PATJ: variants seen among roughly 807,000 people sequenced by gnomAD.
PATJ encodes the protein inaD-like protein.
A neutral mutation model predicts 224.9 loss-of-function variants in PATJ; 190 were observed. The observed-to-expected ratio is 0.84, with a 90% confidence interval of 0.75 to 0.95. PATJ has a LOEUF of 0.95. Among genes scored for constraint, PATJ ranks in the 40% least tolerant of loss-of-function variants. The pLI is 0.00. For missense variants in PATJ, 2,121 were observed against 2,270.3 expected (o/e 0.93, Z 1.34); for synonymous variants, 769 against 820.3 (o/e 0.94, Z 1.07).
chr1:61,916,879 G>A (rs1451093317), intron 26 of PATJ, among the ~76,000 whole-genome samples: 2 of 152,190 alleles, frequency 1.3e-5, no homozygotes, highest in Non-Finnish European at 2.9e-5. Flanking sequence ...CTGTCCTCTT[G>A]TGCTGAGTCA....
At chr1:62,049,136 G>C (rs1323178478) in intron 30 of PATJ, among the ~76,000 whole-genome samples, 1 of 151,094 alleles carries the variant, frequency 6.6e-6, no homozygotes, top group African/African-American at 2.4e-5. Flanking sequence ...CTTACTTTAT[G>C]TTTAAATATG....
intron 33 of PATJ, 87 bp downstream of exon 33, chr1:62,084,735 T>C: frequency 7.5e-7 from 1 of 1,330,388 alleles, no homozygotes; most frequent in Non-Finnish European, 1.1e-6. Flanking sequence ...TCTGCAAGAC[T>C]TGCCTTTTTC....
chr1:62,062,867 CTTG>C (rs1655795478), intron 31 of PATJ, among the ~76,000 whole-genome samples: 1 of 151,928 alleles, frequency 6.6e-6, no homozygotes, highest in Non-Finnish European at 1.5e-5. Flanking sequence ...TTGTTTTTGG[CTTG>C]TTGATTTGTT....
intron 38 of PATJ, among the ~76,000 whole-genome samples, chr1:62,122,320 G>A (rs1206575837): frequency 4.1e-5 from 6 of 147,360 alleles, no homozygotes; most frequent in African/African-American, 1.3e-4. Context: ...AGCTAAGATC[G>A]GACCACTGCA....
chr1:61,961,644 G>T (rs1323396191), intron 27 of PATJ, among the ~76,000 whole-genome samples: 1 of 152,166 alleles, frequency 6.6e-6, no homozygotes, highest in Non-Finnish European at 1.5e-5. Flanking sequence ...AGCAAAAGAT[G>T]TGGAAAAATG....
chr1:62,137,932 T>C (rs1330405125), intron 41 of PATJ, among the ~76,000 whole-genome samples: 2 of 152,022 alleles, frequency 1.3e-5, no homozygotes, highest in Non-Finnish European at 2.9e-5. Context: ...TCTCCACCTC[T>C]TCCTTCAGGT....
chr1:61,944,544 C>T (rs879779602), intron 27 of PATJ, among the ~76,000 whole-genome samples: 32 of 152,168 alleles, frequency 2.1e-4, no homozygotes, highest in Non-Finnish European at 3.8e-4. Context: ...TACAAAGAAA[C>T]GAATAAAGTC....
rs567119311 is a variant in PATJ at position 61,820,318 on chromosome 1, G to A, written c.1684-2627G>A. Among the ~76,000 whole-genome samples, 5 of 152,006 alleles carry A rather than the reference G, an allele frequency of 3.3e-5. No individual in the cohort carries two copies. In the South Asian group the frequency reaches 6.2e-4, roughly 19 times the overall value. ...CTCCCAAAGTGTTGGGATTACAGGC[G>A]TGAGCCACCGTGCCTGGCCTATTTA... On this transcript the variant is annotated intron_variant, in intron 14 of 43. Transcript: ENST00000642238.
intron 10 of PATJ, among the ~76,000 whole-genome samples, chr1:61,796,810 CTCCT>C (rs755500020): frequency 1.4e-4 from 19 of 140,628 alleles, no homozygotes; most frequent in Non-Finnish European, 1.7e-4. Flanking sequence ...TTCCTTCCTT[CTCCT>C]TCCTTCCTTC....
At chr1:61,961,176 A>G (rs980229370) in intron 27 of PATJ, among the ~76,000 whole-genome samples, 1 of 152,198 alleles carries the variant, frequency 6.6e-6, no homozygotes, top group African/African-American at 2.4e-5. Context: ...AGCAAGGTAA[A>G]GGCCTTTGAT....
At chr1:61,793,905 T>TG in intron 9 of PATJ, among the ~76,000 whole-genome samples, 1 of 112,940 alleles carries the variant, frequency 8.9e-6, no homozygotes, top group East Asian at 2.5e-4. Flanking sequence ...CTTCTACAAT[T>TG]TTTTTTTTTT....
intron 20 of PATJ, among the ~76,000 whole-genome samples, chr1:61,873,943 A>G (rs977302002): frequency 1.3e-4 from 20 of 151,430 alleles, no homozygotes; most frequent in Non-Finnish European, 2.9e-4. Flanking sequence ...TGCTTGCGGG[A>G]CCCCCTCTCT....
intron 34 of PATJ, among the ~76,000 whole-genome samples, chr1:62,112,035 C>T (rs879303984): frequency 6.6e-6 from 1 of 152,074 alleles, no homozygotes; most frequent in African/African-American, 2.4e-5. Context: ...CAAGATATAC[C>T]AGAAAATAAA....
intron 16 of PATJ, among the ~76,000 whole-genome samples, chr1:61,829,096 T>C (rs1227641850): frequency 1.3e-5 from 2 of 152,214 alleles, no homozygotes; most frequent in Non-Finnish European, 2.9e-5. Context: ...TTTTCTTATG[T>C]CCTGAAGTAC....
In PATJ at chr1:62,159,555, CTTTT is replaced by C. The variant is rs56862738; in HGVS notation, c.5503-1337_5503-1334del. ...CACAGTATAGACCTGATTTCGAATACTTTTTTTTTTTTTTTTTTTCCTGAGACAG... is the reference window on the plus strand; with the variant it reads ...CACAGTATAGACCTGATTTCGAATACTTTTTTTTTTTTTTTCCTGAGACAG... On this transcript the variant is annotated intron_variant, in intron 43 of 43. Transcript: ENST00000642238. Among the ~76,000 whole-genome samples, 173 of 134,736 alleles carry C rather than the reference CTTTT, an allele frequency of 1.3e-3. 1 individual carries two copies. The highest frequency in any genetic ancestry group is 3.8e-3 in the African/African-American group (140 of 36,616). 88.4% of individuals were successfully genotyped at this position (134,736 alleles called of 152,430 possible).
At chr1:62,036,562 G>A (rs1387513430) in intron 29 of PATJ, among the ~76,000 whole-genome samples, 1 of 152,072 alleles carries the variant, frequency 6.6e-6, no homozygotes, top group African/African-American at 2.4e-5. Context: ...CTAGTCCTAA[G>A]CTCAAAAGAT....
chr1:61,937,229 A>G (rs1250360777), intron 27 of PATJ, among the ~76,000 whole-genome samples: 1 of 149,194 alleles, frequency 6.7e-6, no homozygotes, highest in Non-Finnish European at 1.5e-5. Flanking sequence ...AACAATCCCC[A>G]TAGTTTCTTT....
intron 20 of PATJ, among the ~76,000 whole-genome samples, chr1:61,874,700 T>C (rs1022791876): frequency 1.3e-5 from 2 of 152,180 alleles, no homozygotes; most frequent in African/African-American, 4.8e-5. Flanking sequence ...ATAAAAAACA[T>C]GTATATAAAA....
intron 31 of PATJ, among the ~76,000 whole-genome samples, chr1:62,077,686 CAAA>C (rs11439364): frequency 5.6e-5 from 5 of 89,146 alleles, no homozygotes; most frequent in Admixed American, 1.2e-4. Flanking sequence ...AGACCCTGTC[CAAA>C]AAAAAAAAAA....
Sources: gnomAD v4.1 joint callset for allele counts (sites outside exome capture counted in the v4.1 genomes callset) on GRCh38, gnomAD v4.1.1 for gene constraint, MANE v1.5 for transcripts, NCBI Gene and HGNC (gene_info 2026-07-23, HGNC 2026-07-21) for gene names.